IL20RA: variants seen among roughly 807,000 people sequenced by gnomAD.
The protein encoded by IL20RA is interleukin-20 receptor subunit alpha.
Under a neutral mutation model 36.5 loss-of-function variants are expected in IL20RA, and 29 were observed. That is an observed-to-expected ratio of 0.79 (90% CI 0.59 to 1.08). The LOEUF is 1.08. Among genes scored for constraint, IL20RA ranks in the 50% least tolerant of loss-of-function variants. The probability of loss-of-function intolerance (pLI) is 0.00; values close to 1 mark genes in which losing one functional copy is unlikely to be tolerated. For missense variants in IL20RA, 652 were observed against 668.4 expected (o/e 0.98, Z 0.27); for synonymous variants, 279 against 267.1 (o/e 1.04, Z -0.43).
chr6:137,013,778 G>A (rs1480620145), intron 2 of IL20RA, among the ~76,000 whole-genome samples: 3 of 152,338 alleles, frequency 2.0e-5, no homozygotes, highest in Non-Finnish European at 4.4e-5. Context: ...GCCTGGCTAT[G>A]AACTGGGGAC....
chr6:137,039,404 A>T (rs958201340), intron 1 of IL20RA, among the ~76,000 whole-genome samples: 5 of 152,076 alleles, frequency 3.3e-5, no homozygotes, highest in African/African-American at 1.2e-4. Context: ...ATAAGAAATC[A>T]CCCCAAGTCT....
At chr6:137,033,177 T>G (rs183979097) in intron 1 of IL20RA, among the ~76,000 whole-genome samples, 83 of 152,316 alleles carry the variant, frequency 5.4e-4, no homozygotes, top group African/African-American at 1.6e-3. Context: ...TATGTTTCAT[T>G]GCCTCTTTCA....
At chr6:137,039,998 T>G (rs1776629310) in intron 1 of IL20RA, among the ~76,000 whole-genome samples, 1 of 152,164 alleles carries the variant, frequency 6.6e-6, no homozygotes, top group Non-Finnish European at 1.5e-5. Flanking sequence ...GTCAATAGTA[T>G]CTTCATGGGA....
chr6:137,004,015 T>C (rs917505211), intron 6 of IL20RA, among the ~76,000 whole-genome samples: 31 of 152,144 alleles, frequency 2.0e-4, no homozygotes, highest in Non-Finnish European at 4.3e-4. Flanking sequence ...GAAATTCTAG[T>C]CCTCGACTAG....
At chr6:137,041,056 A>G (rs2115431104) in intron 1 of IL20RA, among the ~76,000 whole-genome samples, 1 of 152,372 alleles carries the variant, frequency 6.6e-6, no homozygotes, top group East Asian at 1.9e-4. Flanking sequence ...GTGACAATTT[A>G]TGTGGCATTT....
At chr6:137,020,991 T>G (rs2115394244) in intron 1 of IL20RA, among the ~76,000 whole-genome samples, 1 of 152,024 alleles carries the variant, frequency 6.6e-6, no homozygotes, top group South Asian at 2.1e-4. Flanking sequence ...CATCTCTAAA[T>G]CTCTCCAGGA....
Position 137,044,679 on chromosome 6 carries a change from A to AGCG in IL20RA, c.47_49dup (p.Pro16dup), listed in dbSNP as rs1272742644. ...AGGCGCCGCCAGGAGCAACAGCAGC[A>AGCG]GCGGCGGCAGCGGCAGCGGCCGCAG... is the stretch of plus-strand genomic sequence containing the variant. On this transcript the variant is annotated inframe_insertion, in exon 1 of 7. Transcript: ENST00000316649. 3.3e-6 allele frequency: 4 copies of AGCG among 1,223,082 alleles called. No individual in the cohort carries two copies. In the East Asian group the frequency reaches 1.3e-4, roughly 40 times the overall value. The allele number at this position is 1,223,082 out of a possible 1,614,324, so 75.8% of individuals were successfully genotyped here.
At position 137,004,268 on chromosome 6, in the gene IL20RA, C is replaced by T. The variant is rs117175991; in HGVS notation, c.864+353G>A. ...TCAGCTTGCCGCAATCTTGGTCTCC[C>T]GGGTTCAAGTGACTCTCCTGTCTCA... is the stretch of plus-strand genomic sequence containing the variant. On this transcript the variant is annotated intron_variant, in intron 6 of 6. Transcript: ENST00000316649. Among the ~76,000 whole-genome samples the T allele has an allele frequency of 2.7e-3, 403 of 146,576 alleles. 1 individual carries two copies. The highest frequency in any genetic ancestry group is 0.011 in the Middle Eastern group (3 of 280).
At chr6:137,014,017 G>T (rs1466953680) in intron 2 of IL20RA, among the ~76,000 whole-genome samples, 1 of 152,132 alleles carries the variant, frequency 6.6e-6, no homozygotes, top group Non-Finnish European at 1.5e-5. Context: ...AAACATAAAG[G>T]ACAGAGCAAG....
chr6:137,009,244 A>G (rs1775386261), intron 4 of IL20RA, 73 bp downstream of exon 4: 1 of 1,185,892 alleles, frequency 8.4e-7, no homozygotes, highest in Non-Finnish European at 1.3e-6. Flanking sequence ...GAATCAATGC[A>G]TCAGGGTTGT....
In IL20RA at chr6:137,021,391, G is replaced by A. The variant is rs375526254; in HGVS notation, c.89-4288C>T. On this transcript the variant is annotated intron_variant, in intron 1 of 6. Coordinates refer to ENST00000316649, the MANE Select transcript of IL20RA (RefSeq NM_014432.4). ...ATTAAAAATAATGTTGTGGCCAGGC[G>A]TGGTATCTCACACCTGTAACCCCAG... is the stretch of plus-strand genomic sequence containing the variant. Among the ~76,000 whole-genome samples the A allele has an allele frequency of 2.3e-4, 35 of 151,986 alleles. 2 individuals carry two copies. Among genetic ancestry groups the A allele is most frequent in the East Asian group, 7.7e-4 (4 of 5,172 alleles).
intron 6 of IL20RA, 138 bp from the exon 7 acceptor site, chr6:137,002,493 G>T: frequency 1.6e-6 from 1 of 631,940 alleles, no homozygotes; most frequent in East Asian, 2.8e-5. Context: ...AGTTATGCTT[G>T]CAATATACAG....
At chr6:137,041,985 C>T (rs1461862391) in intron 1 of IL20RA, among the ~76,000 whole-genome samples, 1 of 152,032 alleles carries the variant, frequency 6.6e-6, no homozygotes, top group South Asian at 2.1e-4. Flanking sequence ...CCGACAGGCT[C>T]TGGTGTGTGA....
intron 1 of IL20RA, among the ~76,000 whole-genome samples, chr6:137,032,595 A>G (rs936865279): frequency 1.3e-5 from 2 of 152,134 alleles, no homozygotes; most frequent in African/African-American, 4.8e-5. Flanking sequence ...AGTAATTTCA[A>G]TGTTGCATTT....
chr6:137,004,608 A>T lies in IL20RA; in HGVS notation c.864+13T>A, dbSNP rs989154261. 2.5e-6 allele frequency: 4 copies of T among 1,613,200 alleles called. No homozygotes were observed. Among genetic ancestry groups the T allele is most frequent in the Non-Finnish European group, 3.4e-6 (4 of 1,179,388 alleles). On this transcript the variant is annotated intron_variant, in intron 6 of 6. Transcript: ENST00000316649. ...CTATTATAATAAAGAACCCTGCCAC[A>T]CCAAGTACTCACCAAATTTGCTGGG...
Position 137,017,111 on chromosome 6 carries a change from A to C in IL20RA, c.89-8T>G. On this transcript the variant is annotated splice_polypyrimidine_tract_variant and splice_region_variant and intron_variant, in intron 1 of 6. Coordinates refer to ENST00000316649, the MANE Select transcript of IL20RA (RefSeq NM_014432.4). ...CACCAGAGACACAGGGAACTGAAAAAGGAGCAGAAAGGAATTGAGGTCTTA... is the reference window on the plus strand; with the variant it reads ...CACCAGAGACACAGGGAACTGAAAACGGAGCAGAAAGGAATTGAGGTCTTA... 1 of 1,611,456 alleles carries C rather than the reference A, an allele frequency of 6.2e-7. No homozygotes were observed. Among genetic ancestry groups the C allele is most frequent in the Non-Finnish European group, 8.5e-7 (1 of 1,178,760 alleles).
In IL20RA at chr6:137,011,257, A is replaced by G; in HGVS notation, c.403+17T>C. The stretch of plus-strand genomic sequence containing the variant: ...AATACATGTTTAACTGACCATTGCA[A>G]TAATGGCATTACTTACTTTCTAAAA... On this transcript the variant is annotated intron_variant, in intron 3 of 6. Coordinates refer to ENST00000316649, the MANE Select transcript of IL20RA (RefSeq NM_014432.4). 8 of 1,589,944 alleles carry G rather than the reference A, an allele frequency of 5.0e-6. No individual in the cohort carries two copies. Among genetic ancestry groups the G allele is most frequent in the Non-Finnish European group, 6.9e-6 (8 of 1,164,914 alleles).
intron 1 of IL20RA, among the ~76,000 whole-genome samples, chr6:137,031,600 T>C (rs926875169): frequency 1.1e-4 from 16 of 152,198 alleles, no homozygotes; most frequent in Non-Finnish European, 2.2e-4. Context: ...CATTTAGGTT[T>C]GGGGAAGTAC....
chr6:137,003,267 GAACT>G (rs1312234788), intron 6 of IL20RA, among the ~76,000 whole-genome samples: 1 of 152,118 alleles, frequency 6.6e-6, no homozygotes, highest in African/African-American at 2.4e-5. Context: ...CTTATAAACT[GAACT>G]AACAGGAAAC....
Sources: allele counts gnomAD v4.1 joint callset (sites outside exome capture counted in the v4.1 genomes callset), GRCh38; gene constraint gnomAD v4.1.1; transcripts MANE v1.5; gene names NCBI Gene and HGNC (gene_info 2026-07-23, HGNC 2026-07-21).